Variants in TMEM132B observed in about 807,000 individuals in gnomAD.
TMEM132B encodes transmembrane protein 132B.
TMEM132B carries 18 observed loss-of-function variants against 90.8 expected under a neutral mutation model. That is an observed-to-expected ratio of 0.20 (90% CI 0.14 to 0.29). The LOEUF is 0.29. Ranked by LOEUF, TMEM132B falls within the 10% of genes least tolerant of loss-of-function variation. TMEM132B has a pLI of 1.00. For missense variants in TMEM132B, 1,096 were observed against 1,326.8 expected (o/e 0.83, Z 2.70); for synonymous variants, 504 against 523.3 (o/e 0.96, Z 0.50).
chr12:125,479,153 G>T (rs1413610363), intron 3 of TMEM132B, among the ~76,000 whole-genome samples: 5 of 152,126 alleles, frequency 3.3e-5, no homozygotes, highest in Non-Finnish European at 7.4e-5. Flanking sequence ...GCCACTGCAA[G>T]AACATGCCAA....
intron 3 of TMEM132B, among the ~76,000 whole-genome samples, chr12:125,472,225 C>T (rs896617314): frequency 6.6e-6 from 1 of 152,160 alleles, no homozygotes; most frequent in Non-Finnish European, 1.5e-5. Context: ...TGTGTAGACA[C>T]AGCCACAGCA....
chr12:125,262,212 T>C (rs1432938280), intron 1 of TMEM132B, among the ~76,000 whole-genome samples: 1 of 128,134 alleles, frequency 7.8e-6, no homozygotes, highest in South Asian at 2.4e-4. Context: ...AGTTTGAGAC[T>C]AGCCTGGGCA....
At chr12:125,563,070 T>A (rs1884572791) in intron 4 of TMEM132B, among the ~76,000 whole-genome samples, 1 of 151,632 alleles carries the variant, frequency 6.6e-6, no homozygotes, top group South Asian at 2.1e-4. Context: ...GCATCTCACA[T>A]AGGCATCGTT....
At chr12:125,375,579 T>G (rs1878451386) in intron 2 of TMEM132B, among the ~76,000 whole-genome samples, 1 of 152,206 alleles carries the variant, frequency 6.6e-6, no homozygotes, top group Non-Finnish European at 1.5e-5. Flanking sequence ...GTTACGTAAT[T>G]AGTGAGTGTC....
At chr12:125,353,245 A>G (rs1877653192) in intron 2 of TMEM132B, among the ~76,000 whole-genome samples, 1 of 151,322 alleles carries the variant, frequency 6.6e-6, no homozygotes, top group Non-Finnish European at 1.5e-5. Flanking sequence ...CTGCCATGGC[A>G]GACATTACCA....
chr12:125,383,175 C>T (rs1566018970), intron 2 of TMEM132B, among the ~76,000 whole-genome samples: 1 of 152,038 alleles, frequency 6.6e-6, no homozygotes, highest in Non-Finnish European at 1.5e-5. Context: ...TGCTCAAAGA[C>T]CCCCAGGGTG....
intron 2 of TMEM132B, among the ~76,000 whole-genome samples, chr12:125,356,346 A>G (rs1405542877): frequency 2.0e-5 from 3 of 152,178 alleles, no homozygotes; most frequent in African/African-American, 4.8e-5. Flanking sequence ...CAGTTTCCCA[A>G]TCTGTACGTG....
At chr12:125,265,033 AGGCTATTAAC>A (rs1208090801) in intron 1 of TMEM132B, among the ~76,000 whole-genome samples, 3 of 152,244 alleles carry the variant, frequency 2.0e-5, no homozygotes, top group Admixed American at 2.0e-4. Context: ...CTACACACCT[AGGCTATTAAC>A]CTGTACAGCT....
intron 5 of TMEM132B, among the ~76,000 whole-genome samples, chr12:125,626,729 T>C (rs1011470061): frequency 1.3e-5 from 2 of 152,208 alleles, no homozygotes; most frequent in African/African-American, 4.8e-5. Flanking sequence ...GATTTTCTCT[T>C]TGCTTTTGGT....
Position 125,544,516 on chromosome 12 carries a change from T to C in TMEM132B, c.1293+24891T>C, listed in dbSNP as rs74855373. On this transcript the variant is annotated intron_variant, in intron 4 of 8. Transcript: ENST00000682704. ...CCATGTACCACATTCACTTAGGGTC[T>C]AGAAAAGGAGGCTTCCTCCAAGAGA... Among the ~76,000 whole-genome samples, 611 of 152,298 alleles carry C rather than the reference T, an allele frequency of 4.0e-3. 4 individuals carry two copies. The highest frequency in any genetic ancestry group is 0.014 in the African/African-American group (587 of 41,560).
intron 5 of TMEM132B, chr12:125,584,370 A>C: frequency 4.8e-6 from 1 of 209,522 alleles, no homozygotes. Context: ...GTGCCTAATA[A>C]TATTATTTAC....
chr12:125,411,572 T>C (rs572620079), intron 2 of TMEM132B, among the ~76,000 whole-genome samples: 1 of 152,192 alleles, frequency 6.6e-6, no homozygotes, highest in East Asian at 1.9e-4. Context: ...GCCAAACCTC[T>C]AGGGTACGTG....
At chr12:125,565,646 T>A (rs1055980850) in intron 4 of TMEM132B, among the ~76,000 whole-genome samples, 10 of 152,174 alleles carry the variant, frequency 6.6e-5, no homozygotes, top group Admixed American at 5.9e-4. Flanking sequence ...GATCTTCCCA[T>A]GGAGTTTGGC....
intron 4 of TMEM132B, among the ~76,000 whole-genome samples, chr12:125,564,723 A>G (rs933560279): frequency 3.3e-5 from 5 of 152,202 alleles, no homozygotes; most frequent in Non-Finnish European, 7.3e-5. Flanking sequence ...AGCGGGTTCT[A>G]TAATATGTTG....
At chr12:125,241,654 G>A (rs1874070739) in intron 1 of TMEM132B, among the ~76,000 whole-genome samples, 1 of 152,184 alleles carries the variant, frequency 6.6e-6, no homozygotes, top group Non-Finnish European at 1.5e-5. Context: ...GCCTTCAGAG[G>A]AAGCGTGGTT....
intron 3 of TMEM132B, among the ~76,000 whole-genome samples, chr12:125,429,924 G>A (rs1241767003): frequency 6.6e-6 from 1 of 152,180 alleles, no homozygotes; most frequent in South Asian, 2.1e-4. Flanking sequence ...TGCAGCCCAC[G>A]CTGAAGGGGT....
chr12:125,347,784 G>A (rs1368879767), intron 1 of TMEM132B, among the ~76,000 whole-genome samples: 2 of 152,296 alleles, frequency 1.3e-5, no homozygotes, highest in South Asian at 2.1e-4. Flanking sequence ...TTCCTGGTGG[G>A]CTGTCTTCAC....
chr12:125,193,396 G>T (rs576297514), intron 1 of TMEM132B, among the ~76,000 whole-genome samples: 3 of 152,170 alleles, frequency 2.0e-5, no homozygotes, highest in African/African-American at 4.8e-5. Context: ...TCAGGCCTGG[G>T]TGCCTGTGAT....
At chr12:125,640,225 T>C (rs1886594660) in intron 5 of TMEM132B, among the ~76,000 whole-genome samples, 1 of 152,168 alleles carries the variant, frequency 6.6e-6, no homozygotes, top group Non-Finnish European at 1.5e-5. Context: ...AAACCAATCA[T>C]TGGCAAAGCA....
Sources: gnomAD v4.1 joint callset for allele counts (sites outside exome capture counted in the v4.1 genomes callset) on GRCh38, gnomAD v4.1.1 for gene constraint, MANE v1.5 for transcripts, NCBI Gene and HGNC (gene_info 2026-07-23, HGNC 2026-07-21) for gene names.